The following KIAA1217 variants were observed in gnomAD, a reference collection of about 807,000 sequenced individuals.
The protein encoded by KIAA1217 is KIAA1217.
A neutral mutation model predicts 163.9 loss-of-function variants in KIAA1217; 88 were observed. That is an observed-to-expected ratio of 0.54 (90% confidence interval 0.45 to 0.64). The LOEUF (loss-of-function observed/expected upper bound fraction) is 0.64, where lower values mean the gene tolerates loss of function less well. KIAA1217 is among the 30% of genes least tolerant of loss of function. The probability of loss-of-function intolerance (pLI) is 0.00; values close to 1 mark genes in which losing one functional copy is unlikely to be tolerated. For missense variants in KIAA1217, 2,372 were observed against 2,475.0 expected (o/e 0.96, Z 0.88); for synonymous variants, 903 against 923.1 (o/e 0.98, Z 0.39).
At chr10:23,825,315 A>G (rs1465711413) in intron 1 of KIAA1217, among the ~76,000 whole-genome samples, 1 of 152,224 alleles carries the variant, frequency 6.6e-6, no homozygotes, top group African/African-American at 2.4e-5. Flanking sequence ...TTAACTCAGA[A>G]CATACTTTCT....
At chr10:23,952,224 T>C (rs1225065557) in intron 1 of KIAA1217, among the ~76,000 whole-genome samples, 1 of 152,222 alleles carries the variant, frequency 6.6e-6, no homozygotes, top group Non-Finnish European at 1.5e-5. Flanking sequence ...TGTCTTTGCC[T>C]TCTTCGGGAG....
chr10:24,278,997 C>T (rs1023565906), intron 2 of KIAA1217, among the ~76,000 whole-genome samples: 1 of 151,912 alleles, frequency 6.6e-6, no homozygotes, highest in African/African-American at 2.4e-5. Flanking sequence ...GCTGGGATTA[C>T]AGTCACGGGC....
intron 2 of KIAA1217, among the ~76,000 whole-genome samples, chr10:24,364,752 G>T (rs748825222): frequency 6.6e-6 from 1 of 151,832 alleles, no homozygotes; most frequent in Non-Finnish European, 1.5e-5. Context: ...TTGCCTGCCT[G>T]CCTTCCTTCC....
rs1446612761 is a variant in KIAA1217, at chr10:24,473,631, T to A, written c.1250T>A (p.Val417Asp). Reference sequence around the variant, plus strand: ...TCCCATGGTGGACACCCACTGGATGTCCCCGACCACATCATTGCATATCAC... The same window carrying A: ...TCCCATGGTGGACACCCACTGGATGACCCCGACCACATCATTGCATATCAC... The part of the protein sequence containing the change: ...ASSHGGHPLD[V>D]PDHIIAYHRT... Residue 417 changes from valine (V) to aspartate (D), a missense_variant, in exon 6 of 21, where the codon GTC becomes GAC. By Grantham distance (152) the Val-to-Asp change is radical. Around this residue, in one of 3 missense-constraint regions of KIAA1217, gnomAD observed 1,431 missense variants for 1,470.3 expected, o/e 0.97. Transcript: ENST00000376454. The A allele has an allele frequency of 6.2e-7, 1 of 1,614,106 alleles. No individual in the cohort carries two copies. Among genetic ancestry groups the A allele is most frequent in the Non-Finnish European group, 8.5e-7 (1 of 1,180,022 alleles).
chr10:24,446,300 G>T (rs2060929293), intron 5 of KIAA1217, among the ~76,000 whole-genome samples: 1 of 151,626 alleles, frequency 6.6e-6, no homozygotes, highest in Non-Finnish European at 1.5e-5. Context: ...CAGATGAGTA[G>T]GTTGCTTAAT....
Position 24,533,118 on chromosome 10 carries a change from T to G in KIAA1217, c.3295T>G (p.Tyr1099Asp), listed in dbSNP as rs760959345. 6.2e-7 allele frequency: 1 copy of G among 1,613,754 alleles called. No homozygotes were observed. Among genetic ancestry groups the G allele is most frequent in the South Asian group, 1.1e-5 (1 of 91,038 alleles). ...AAGCCCACAGACCAGAGCTACAAAA[T>G]ATCCAGCAGAGGAGCCTGCTTCAGC... ...GPSPQTRATK[Y>D]PAEEPASAWT... The change falls in exon 16 of 21, where the codon TAT (tyrosine) becomes GAT (aspartate). Residue 1099 changes from tyrosine to aspartate, a missense_variant. Tyr to Asp is a radical substitution (Grantham distance 160, BLOSUM62 -3). Around this residue, in one of 3 missense-constraint regions of KIAA1217, gnomAD observed 1,431 missense variants for 1,470.3 expected, o/e 0.97. Transcript: ENST00000376454.
chr10:23,753,269 A>T (rs1241624170), intron 1 of KIAA1217, among the ~76,000 whole-genome samples: 1 of 152,154 alleles, frequency 6.6e-6, no homozygotes, highest in Non-Finnish European at 1.5e-5. Flanking sequence ...AGCTTTATAG[A>T]AAGAAAAGAT....
rs575074783 is a variant in KIAA1217 at position 23,760,551 on chromosome 10, A to C, written c.-321+65317A>C. On this transcript the variant is annotated intron_variant, in intron 1 of 18. Transcript: ENST00000376462. ...CAGTAGCACATCTGTTTCAGTGTTC[A>C]AAGTGTTATTTTGCCAATGCTAAGA... is the stretch of plus-strand genomic sequence containing the variant. Among the ~76,000 whole-genome samples the C allele has an allele frequency of 3.3e-4, 51 of 152,332 alleles. 1 individual carries two copies. The South Asian group carries it at 0.01, about 30-fold the overall frequency.
In KIAA1217 at chr10:24,056,611, A is replaced by G. The variant is rs149164845; in HGVS notation, c.-171+49237A>G. Among the ~76,000 whole-genome samples the G allele has an allele frequency of 1.4e-3, 207 of 152,288 alleles. 1 individual carries two copies. The highest frequency in any genetic ancestry group is 4.9e-3 in the African/African-American group (203 of 41,580). On this transcript the variant is annotated intron_variant, in intron 2 of 18. Coordinates refer to the KIAA1217 transcript ENST00000376462. ...CCTGGAGGCAGAAAATGAAAATCCT[A>G]TTGGAAAGAAAGCACTTTGTATGCA...
At chr10:23,845,363 AG>A (rs1234156592) in intron 1 of KIAA1217, among the ~76,000 whole-genome samples, 4 of 152,196 alleles carry the variant, frequency 2.6e-5, no homozygotes, top group African/African-American at 7.2e-5. Context: ...ACAGTGTAAA[AG>A]CATTCCTATT....
intron 2 of KIAA1217, among the ~76,000 whole-genome samples, chr10:24,155,552 G>A (rs1330952951): frequency 6.6e-6 from 1 of 152,170 alleles, no homozygotes; most frequent in Non-Finnish European, 1.5e-5. Flanking sequence ...CGGGTGCAGT[G>A]GCTGATGCCT....
chr10:24,094,663 G>A (rs1052034101), intron 2 of KIAA1217, among the ~76,000 whole-genome samples: 5 of 152,230 alleles, frequency 3.3e-5, no homozygotes, highest in Non-Finnish European at 7.3e-5. Flanking sequence ...CTCCCAGTTA[G>A]GCTGCTCGGG....
chr10:24,117,049 T>TGG (rs55843438), intron 2 of KIAA1217, among the ~76,000 whole-genome samples: 13,864 of 148,536 alleles, frequency 0.093, 901 homozygotes, highest in African/African-American at 0.18. Context: ...TTTTTTTGGG[T>TGG]GGGGGGGGAT....
intron 1 of KIAA1217, among the ~76,000 whole-genome samples, chr10:23,893,740 A>G (rs1478181815): frequency 2.0e-5 from 3 of 152,080 alleles, no homozygotes; most frequent in Admixed American, 6.6e-5. Context: ...AAAATCCTCA[A>G]TAAAATACTG....
intron 1 of KIAA1217, among the ~76,000 whole-genome samples, chr10:23,876,744 CT>C (rs1054526513): frequency 2.0e-5 from 3 of 151,100 alleles, no homozygotes; most frequent in Admixed American, 6.6e-5. Flanking sequence ...TAATTCAGTG[CT>C]TTTTTTTTCT....
chr10:24,242,014 C>G (rs997025436), intron 2 of KIAA1217, among the ~76,000 whole-genome samples: 2 of 152,148 alleles, frequency 1.3e-5, no homozygotes, highest in Non-Finnish European at 2.9e-5. Context: ...ATGAATTAGG[C>G]TGCATTGAGG....
intron 1 of KIAA1217, among the ~76,000 whole-genome samples, chr10:23,775,545 C>A (rs539291285): frequency 1.3e-5 from 2 of 152,234 alleles, no homozygotes; most frequent in African/African-American, 4.8e-5. Context: ...CTTTGTCACT[C>A]CTCCGTCCCC....
At chr10:24,305,132 CA>C (rs1211307890) in intron 2 of KIAA1217, among the ~76,000 whole-genome samples, 1 of 152,120 alleles carries the variant, frequency 6.6e-6, no homozygotes. Context: ...GTGTTTATAA[CA>C]TAAAATTAAA....
At chr10:23,852,514 A>G (rs1490097651) in intron 1 of KIAA1217, among the ~76,000 whole-genome samples, 1 of 152,144 alleles carries the variant, frequency 6.6e-6, no homozygotes, top group Non-Finnish European at 1.5e-5. Flanking sequence ...TTTTGGTTCC[A>G]TATGAACTAT....
Sources: gnomAD v4.1 joint callset for allele counts (sites outside exome capture counted in the v4.1 genomes callset) on GRCh38, gnomAD v4.1.1 for gene constraint, gnomAD v4.1.1 regional missense constraint, MANE v1.5 for transcripts, NCBI Gene and HGNC (gene_info 2026-07-23, HGNC 2026-07-21) for gene names.